The following NDUFB3 variants were observed in gnomAD, a reference collection of about 807,000 sequenced individuals.
NDUFB3 encodes NADH:ubiquinone oxidoreductase subunit B3, also known as NADH dehydrogenase [ubiquinone] 1 beta subcomplex subunit 3.
Under a neutral mutation model 9.0 loss-of-function variants are expected in NDUFB3, and 7 were observed. The observed-to-expected ratio is 0.78, with a 90% CI of 0.44 to 1.46. NDUFB3 has a LOEUF of 1.46. Ranked by LOEUF, NDUFB3 falls within the 40% of genes most tolerant of loss-of-function variation. The pLI is 0.01. For synonymous variants in NDUFB3, 29 were observed against 38.5 expected, an observed-to-expected ratio of 0.75 and a Z score of 0.91; for missense variants, 93 against 115.4, an observed-to-expected ratio of 0.81 and a Z score of 0.89.
intron 1 of NDUFB3, 108 bp from the exon 2 acceptor site, chr2:201,078,772 CT>C (rs568058126): frequency 0.015 from 13,859 of 929,398 alleles, 3 homozygotes; most frequent in South Asian, 0.018. Flanking sequence ...TTTATATTGG[CT>C]TTTTTTTTTA....
At chr2:201,083,261 TTTC>T (rs2125538357) in intron 2 of NDUFB3, among the ~76,000 whole-genome samples, 1 of 152,294 alleles carries the variant, frequency 6.6e-6, no homozygotes, top group South Asian at 2.1e-4. Context: ...TAGTATGATG[TTTC>T]TTACAGTGAT....
rs374448057 is a variant in NDUFB3, at chr2:201,078,730, T to C, written c.-2-151T>C. On this transcript the variant is annotated intron_variant, in intron 1 of 2. Coordinates refer to ENST00000237889, the MANE Select transcript of NDUFB3 (RefSeq NM_002491.3). The stretch of plus-strand genomic sequence containing the variant: ...AACATGGTTGTAGAATAAGACACTT[T>C]TATAAAATCCTTTAACTGGAATTTT... Among the ~76,000 whole-genome samples, 8 of 152,354 alleles carry C rather than the reference T, an allele frequency of 5.3e-5. No individual in the cohort carries two copies. The East Asian group carries it at 1.3e-3, about 26-fold the overall frequency.
rs138548365 is a variant in NDUFB3, at chr2:201,076,623, G to A, written c.-2-2258G>A. On this transcript the variant is annotated intron_variant, in intron 1 of 2. Coordinates refer to ENST00000237889, the MANE Select transcript of NDUFB3 (RefSeq NM_002491.3). The stretch of plus-strand genomic sequence containing the variant: ...ATGTACAATTTTTTTCTCATATCTT[G>A]GAACTACTTATTTTTTGAGAGAGTC... 4.4e-4 allele frequency among the ~76,000 whole-genome samples: 67 copies of A among 151,070 alleles called. 2 individuals are homozygous for A. The East Asian group carries it at 0.013, about 29-fold the overall frequency.
At chr2:201,076,126 G>T (rs548870946) in intron 1 of NDUFB3, among the ~76,000 whole-genome samples, 2 of 152,138 alleles carry the variant, frequency 1.3e-5, no homozygotes, top group East Asian at 3.9e-4. Flanking sequence ...AAGTAATAAT[G>T]GGTTAAATGT....
At chr2:201,073,524 T>C (rs2047122362) in intron 1 of NDUFB3, among the ~76,000 whole-genome samples, 1 of 152,134 alleles carries the variant, frequency 6.6e-6, no homozygotes, top group South Asian at 2.1e-4. Flanking sequence ...ATCCCAACAC[T>C]TTGGGTGGCC....
In NDUFB3 at chr2:201,085,481, G is replaced by C. The variant is rs368909621; in HGVS notation, c.163G>C (p.Gly55Arg). The C allele has an allele frequency of 1.2e-6, 2 of 1,606,692 alleles. No homozygotes were observed. Among genetic ancestry groups the C allele is most frequent in the Non-Finnish European group, 1.7e-6 (2 of 1,176,632 alleles). Residue 55 changes from glycine to arginine, a missense_variant, in exon 3 of 3, where the codon GGT becomes CGT. By Grantham distance (125) the Gly-to-Arg change is moderately radical. Transcript: ENST00000237889. ...WGRNEAWRYM[G>R]GFAKSVSFSD... ...TAGCAATGAAGCTTGGAGATACATGGGTGGCTTTGCAAAGAGTGTTTCCTT... is the reference window on the plus strand; with the variant it reads ...TAGCAATGAAGCTTGGAGATACATGCGTGGCTTTGCAAAGAGTGTTTCCTT...
chr2:201,076,512 T>TATATATATCTATATATATATATAA (rs1250913348), intron 1 of NDUFB3, among the ~76,000 whole-genome samples: 1 of 134,420 alleles, frequency 7.4e-6, no homozygotes, highest in African/African-American at 2.8e-5. Flanking sequence ...TATATATATA[T>TATATATATCTATATATATATATAA]AATTAAATGT....
intron 1 of NDUFB3, among the ~76,000 whole-genome samples, chr2:201,075,499 C>T (rs1354714805): frequency 7.2e-6 from 1 of 139,360 alleles, no homozygotes; most frequent in African/African-American, 2.8e-5. Flanking sequence ...CTGGGAGTCA[C>T]AGGTTGCAGT....
chr2:201,084,672 A>C (rs2047268512), intron 2 of NDUFB3, among the ~76,000 whole-genome samples: 1 of 152,218 alleles, frequency 6.6e-6, no homozygotes, highest in African/African-American at 2.4e-5. Context: ...ATCTATGTTC[A>C]TGAGGGATAG....
At chr2:201,075,879 G>T (rs2047158227) in intron 1 of NDUFB3, among the ~76,000 whole-genome samples, 1 of 152,032 alleles carries the variant, frequency 6.6e-6, no homozygotes. Flanking sequence ...TGATACTCAG[G>T]TTGATATTCT....
chr2:201,077,893 T>C (rs1316732218), intron 1 of NDUFB3, among the ~76,000 whole-genome samples: 1 of 152,210 alleles, frequency 6.6e-6, no homozygotes, highest in Non-Finnish European at 1.5e-5. Context: ...TTTAAAAGCA[T>C]TGCATTTTAA....
chr2:201,081,342 G>A (rs561943160), intron 2 of NDUFB3, among the ~76,000 whole-genome samples: 1 of 151,794 alleles, frequency 6.6e-6, no homozygotes, highest in Non-Finnish European at 1.5e-5. Context: ...AATTAGCCAG[G>A]TGTGGTAGTG....
chr2:201,084,506 G>A (rs2047266561), intron 2 of NDUFB3, among the ~76,000 whole-genome samples: 1 of 151,768 alleles, frequency 6.6e-6, no homozygotes, highest in Admixed American at 6.6e-5. Context: ...GCATGGTGGT[G>A]TGTGCCTGTA....
chr2:201,077,642 T>C (rs1250862706), intron 1 of NDUFB3, among the ~76,000 whole-genome samples: 2 of 152,238 alleles, frequency 1.3e-5, no homozygotes, highest in Non-Finnish European at 2.9e-5. Context: ...TCCAGTTAAG[T>C]AGAATGTTAC....
chr2:201,078,293 C>A (rs1015948457), intron 1 of NDUFB3, among the ~76,000 whole-genome samples: 5 of 151,746 alleles, frequency 3.3e-5, no homozygotes, highest in Admixed American at 6.6e-5. Context: ...CAGAGCGAGA[C>A]GCCGTCTCAA....
chr2:201,085,268 TC>T (rs2047278180), intron 2 of NDUFB3, among the ~76,000 whole-genome samples, 190 bp from the exon 3 acceptor site: 1 of 152,196 alleles, frequency 6.6e-6, no homozygotes, highest in Non-Finnish European at 1.5e-5. Flanking sequence ...TGTTTATTCT[TC>T]TATTTTATAT....
At chr2:201,084,549 A>C (rs1575547839) in intron 2 of NDUFB3, among the ~76,000 whole-genome samples, 2 of 152,140 alleles carry the variant, frequency 1.3e-5, no homozygotes. Context: ...AGGTGGAAGA[A>C]TCACTTGAAT....
intron 2 of NDUFB3, among the ~76,000 whole-genome samples, chr2:201,084,357 A>G (rs908170504): frequency 8.6e-5 from 13 of 151,920 alleles, no homozygotes; most frequent in Non-Finnish European, 1.6e-4. Flanking sequence ...GCTACTCAGG[A>G]GGCTGAGGCA....
At position 201,078,877 on chromosome 2, in the gene NDUFB3, A is replaced by G. The variant is rs879077765; in HGVS notation, c.-2-4A>G. 1.9e-6 allele frequency: 3 copies of G among 1,601,864 alleles called. No individual in the cohort carries two copies. The highest frequency in any genetic ancestry group is 2.5e-6 in the Non-Finnish European group (3 of 1,177,638). On this transcript the variant is annotated splice_polypyrimidine_tract_variant and splice_region_variant and intron_variant, in intron 1 of 2. Transcript: ENST00000237889. ...TCTCACTTGTGTTAATCTTTTCCTTACAGACATGGCCCATGAACATGGACA... is the reference window on the plus strand; with the variant it reads ...TCTCACTTGTGTTAATCTTTTCCTTGCAGACATGGCCCATGAACATGGACA...
Sources: gnomAD v4.1 joint callset for allele counts (sites outside exome capture counted in the v4.1 genomes callset) on GRCh38, gnomAD v4.1.1 for gene constraint, MANE v1.5 for transcripts, NCBI Gene and HGNC (gene_info 2026-07-23, HGNC 2026-07-21) for gene names.